The following GRIN2B variants were observed in gnomAD, a reference collection of about 807,000 sequenced individuals.
GRIN2B encodes the protein glutamate receptor ionotropic, NMDA 2B.
In GRIN2B, 5 loss-of-function variants were observed where a neutral mutation model predicts 114.5. The observed-to-expected ratio is 0.04, with a 90% confidence interval of 0.02 to 0.09. The LOEUF (loss-of-function observed/expected upper bound fraction) is 0.09, where lower values mean the gene tolerates loss of function less well. Among genes scored for constraint, GRIN2B ranks in the 10% least tolerant of loss-of-function variants. The pLI is 1.00. For synonymous variants in GRIN2B, 787 were observed against 745.1 expected (o/e 1.06, Z -0.92); for missense variants, 1,108 against 1,943.5 (o/e 0.57, Z 8.08).
At chr12:13,725,853 G>A (rs551852096) in intron 4 of GRIN2B, among the ~76,000 whole-genome samples, 1 of 152,138 alleles carries the variant, frequency 6.6e-6, no homozygotes, top group East Asian at 1.9e-4. Context: ...CACAGGGATG[G>A]GCAGAGAGGT....
At chr12:13,966,732 G>A (rs555845473) in intron 2 of GRIN2B, among the ~76,000 whole-genome samples, 15 of 152,282 alleles carry the variant, frequency 9.9e-5, no homozygotes, top group East Asian at 3.9e-4. Context: ...GGGAAGTCAC[G>A]ATAATTAATA....
intron 3 of GRIN2B, among the ~76,000 whole-genome samples, chr12:13,857,129 T>TTC (rs2136735363): frequency 6.6e-6 from 1 of 152,226 alleles, no homozygotes; most frequent in South Asian, 2.1e-4. Flanking sequence ...AAAAGGCAAT[T>TTC]TCAGACTACC....
chr12:13,817,103 A>AT (rs1864838165), intron 3 of GRIN2B, among the ~76,000 whole-genome samples: 1 of 151,622 alleles, frequency 6.6e-6, no homozygotes, highest in Non-Finnish European at 1.5e-5. Context: ...TTTTTTCTCA[A>AT]TTTCTATCCC....
chr12:13,798,804 A>G (rs973173040), intron 3 of GRIN2B, among the ~76,000 whole-genome samples: 2 of 152,198 alleles, frequency 1.3e-5, no homozygotes, highest in Non-Finnish European at 2.9e-5. Flanking sequence ...ACCAAACTAG[A>G]TGGATCTTAG....
intron 5 of GRIN2B, among the ~76,000 whole-genome samples, chr12:13,617,152 A>G (rs1288607289): frequency 6.6e-6 from 1 of 152,236 alleles, no homozygotes; most frequent in Non-Finnish European, 1.5e-5. Flanking sequence ...AAATGAGCCA[A>G]AATGATGTGT....
intron 2 of GRIN2B, among the ~76,000 whole-genome samples, chr12:13,932,010 T>C (rs985148523): frequency 3.9e-5 from 6 of 152,232 alleles, no homozygotes; most frequent in Non-Finnish European, 8.8e-5. Flanking sequence ...AATCATCCTC[T>C]TTCCATCACA....
At chr12:13,657,650 G>C (rs1236398211) in intron 5 of GRIN2B, among the ~76,000 whole-genome samples, 1 of 152,178 alleles carries the variant, frequency 6.6e-6, no homozygotes, top group East Asian at 1.9e-4. Flanking sequence ...CTATGACCAA[G>C]ATTTGCCCCT....
intron 5 of GRIN2B, among the ~76,000 whole-genome samples, chr12:13,658,070 T>C (rs971675319): frequency 6.6e-6 from 1 of 151,868 alleles, no homozygotes; most frequent in African/African-American, 2.4e-5. Context: ...CTGGGCGTGG[T>C]GGTACCTGCC....
chr12:13,754,008 G>C (rs1330430491), intron 3 of GRIN2B, 93 bp from the exon 4 acceptor site: 4 of 748,626 alleles, frequency 5.3e-6, no homozygotes, highest in Non-Finnish European at 9.5e-6. Context: ...ACAAAGATTT[G>C]TGTTCATTAC....
At position 13,753,947 on chromosome 12, in the gene GRIN2B, G is replaced by C; in HGVS notation, c.412-32C>G. On this transcript the variant is annotated intron_variant, in intron 3 of 13. Coordinates refer to ENST00000609686, the MANE Select transcript of GRIN2B (RefSeq NM_000834.5). The surrounding 1 kb of genome is among the most constrained non-coding windows in gnomAD (Gnocchi z 6.2). ...AAAGAACAGGACAAAAAAAGGAAGA[G>C]AGAAAAAAATCAAACCAAAGATGGT... 1 of 1,456,550 alleles carries C rather than the reference G, an allele frequency of 6.9e-7. No individual in the cohort carries two copies. Among genetic ancestry groups the C allele is most frequent in the Admixed American group, 1.7e-5 (1 of 59,322 alleles). 90.2% of individuals were successfully genotyped at this position (1,456,550 alleles called of 1,614,324 possible).
Position 13,559,353 on chromosome 12 carries a change from G to C in GRIN2B, c.*3430C>G, listed in dbSNP as rs3026173. The C allele has an allele frequency of 6.6e-6, 1 of 152,108 alleles. No individual in the cohort carries two copies. Among genetic ancestry groups the C allele is most frequent in the Non-Finnish European group, 1.5e-5 (1 of 68,024 alleles). The allele number at this position is 152,108 out of a possible 1,614,324, so 9.4% of individuals were successfully genotyped here. ...AGGAAAAAATGTAGTGAATATACTGGGTAAATGGATTTGGAAATTTTATCC... is the reference window on the plus strand; with the variant it reads ...AGGAAAAAATGTAGTGAATATACTGCGTAAATGGATTTGGAAATTTTATCC... On this transcript the variant is annotated 3_prime_UTR_variant, in exon 14 of 14. Coordinates refer to ENST00000609686, the MANE Select transcript of GRIN2B (RefSeq NM_000834.5).
At chr12:13,708,300 G>A (rs1386612072) in intron 4 of GRIN2B, among the ~76,000 whole-genome samples, 1 of 152,042 alleles carries the variant, frequency 6.6e-6, no homozygotes, top group Non-Finnish European at 1.5e-5. Flanking sequence ...TGTGGGAGTA[G>A]GCATTGTTAT....
intron 3 of GRIN2B, among the ~76,000 whole-genome samples, chr12:13,764,591 CG>C (rs1863743655): frequency 1.3e-5 from 2 of 152,084 alleles, no homozygotes; most frequent in Non-Finnish European, 2.9e-5. Flanking sequence ...AAGGTGCCAA[CG>C]TTGATGGAAA....
At chr12:13,797,708 G>A (rs949638990) in intron 3 of GRIN2B, among the ~76,000 whole-genome samples, 2 of 152,132 alleles carry the variant, frequency 1.3e-5, no homozygotes, top group African/African-American at 2.4e-5. Flanking sequence ...TCTATGAGGT[G>A]GAGGTAATAT....
intron 2 of GRIN2B, among the ~76,000 whole-genome samples, chr12:13,920,726 G>A (rs1866808989): frequency 6.6e-6 from 1 of 152,176 alleles, no homozygotes; most frequent in African/African-American, 2.4e-5. Context: ...AGTTTTGCCG[G>A]TGACATCAGG....
rs190709086 is a variant in GRIN2B, at chr12:13,722,678, T to C, written c.1010+30639A>G. On this transcript the variant is annotated intron_variant, in intron 4 of 13. Coordinates refer to ENST00000609686, the MANE Select transcript of GRIN2B (RefSeq NM_000834.5). The stretch of plus-strand genomic sequence containing the variant: ...TGACAAGAGAGAGTGCGAAGTTATT[T>C]TGAAGTGGGAGAAAGTTAACATAGT... Among the ~76,000 whole-genome samples, 14 of 152,200 alleles carry C rather than the reference T, an allele frequency of 9.2e-5. No individual in the cohort carries two copies. The East Asian group carries it at 2.3e-3, about 25-fold the overall frequency.
At chr12:13,850,621 A>G (rs1308372001) in intron 3 of GRIN2B, among the ~76,000 whole-genome samples, 2 of 152,146 alleles carry the variant, frequency 1.3e-5, no homozygotes, top group Non-Finnish European at 2.9e-5. Context: ...CTATTCCCTT[A>G]TTCTGAATAT....
chr12:13,809,133 G>C (rs1864678527), intron 3 of GRIN2B, among the ~76,000 whole-genome samples: 1 of 152,146 alleles, frequency 6.6e-6, no homozygotes, highest in South Asian at 2.1e-4. Context: ...ATAGATGCCA[G>C]TATCAACCCC....
chr12:13,760,628 C>G (rs141353644), intron 3 of GRIN2B, among the ~76,000 whole-genome samples: 1 of 152,172 alleles, frequency 6.6e-6, no homozygotes, highest in African/African-American at 2.4e-5. Flanking sequence ...AACTCTGGAA[C>G]TGGTAGGCTT....
Sources: allele counts gnomAD v4.1 joint callset (sites outside exome capture counted in the v4.1 genomes callset), GRCh38; gene constraint gnomAD v4.1.1; non-coding constraint Gnocchi (gnomAD v3.1); transcripts MANE v1.5; gene names NCBI Gene and HGNC (gene_info 2026-07-23, HGNC 2026-07-21).